PRR16: variants seen among roughly 807,000 people sequenced by gnomAD.
PRR16 encodes the protein proline rich 16.
In PRR16, 6 loss-of-function variants were observed where a neutral mutation model predicts 18.2. The observed-to-expected ratio is 0.33, with a 90% CI of 0.18 to 0.65. The LOEUF is 0.65. Among genes scored for constraint, PRR16 ranks in the 30% least tolerant of loss-of-function variants. The probability of loss-of-function intolerance (pLI) is 0.74; values close to 1 mark genes in which losing one functional copy is unlikely to be tolerated. For synonymous variants in PRR16, 151 were observed against 147.8 expected (o/e 1.02, Z -0.16); for missense variants, 412 against 376.6 (o/e 1.09, Z -0.78).
intron 1 of PRR16, among the ~76,000 whole-genome samples, chr5:120,558,027 G>T (rs114699897): frequency 1.3e-5 from 2 of 151,726 alleles, no homozygotes; most frequent in Non-Finnish European, 2.9e-5. Flanking sequence ...TACATAGTAG[G>T]TGTGTATATT....
chr5:120,694,422 C>A, the PRR16 span, among the ~76,000 whole-genome samples: 4 of 152,158 alleles, frequency 2.6e-5, no homozygotes, highest in African/African-American at 7.2e-5. Context: ...CGGTGGCTCA[C>A]GCCTGTAATC....
chr5:120,565,430 A>G (rs1752707533), intron 1 of PRR16, among the ~76,000 whole-genome samples: 2 of 152,238 alleles, frequency 1.3e-5, no homozygotes, highest in African/African-American at 2.4e-5. Context: ...GTCTGTAGAA[A>G]CTAGCCCATT....
Position 120,559,122 on chromosome 5 carries a change from G to A in PRR16, c.159+94477G>A, listed in dbSNP as rs1752501448. ...CCTCACTTTATTGATTGTTTCTTTT[G>A]CAGTGCAGTGATTGTTTCTTTTTAA... On this transcript the variant is annotated intron_variant, in intron 1 of 1. Transcript: ENST00000407149. 2.0e-5 allele frequency among the ~76,000 whole-genome samples: 3 copies of A among 151,612 alleles called. No individual in the cohort carries two copies. In the South Asian group the frequency reaches 6.3e-4, roughly 32 times the overall value.
chr5:120,651,084 A>T (rs373578575), intron 1 of PRR16, among the ~76,000 whole-genome samples: 1 of 152,134 alleles, frequency 6.6e-6, no homozygotes, highest in South Asian at 2.1e-4. Context: ...GCCAGTGATG[A>T]TGAGCATTTT....
At chr5:120,789,302 G>A in the PRR16 span, among the ~76,000 whole-genome samples, 1 of 152,054 alleles carries the variant, frequency 6.6e-6, no homozygotes, top group Non-Finnish European at 1.5e-5. Context: ...TGCTAAACAT[G>A]TCTGATGTTG....
intron 1 of PRR16, among the ~76,000 whole-genome samples, chr5:120,475,496 G>C (rs1749412680): frequency 6.6e-6 from 1 of 151,448 alleles, no homozygotes; most frequent in South Asian, 2.1e-4. Flanking sequence ...TTGACACTTT[G>C]AGAGGCAGAG....
chr5:120,476,251 A>G (rs111920529), intron 1 of PRR16, among the ~76,000 whole-genome samples: 1 of 152,148 alleles, frequency 6.6e-6, no homozygotes, highest in African/African-American at 2.4e-5. Flanking sequence ...TTCCAGCCTG[A>G]CATCCAGTGG....
At chr5:120,629,115 T>C (rs915548032) in intron 1 of PRR16, among the ~76,000 whole-genome samples, 2 of 152,104 alleles carry the variant, frequency 1.3e-5, no homozygotes, top group South Asian at 4.1e-4. Context: ...CTCCCACTTA[T>C]GAGTAAGAAC....
the PRR16 span, among the ~76,000 whole-genome samples, chr5:120,791,747 A>C: frequency 6.6e-6 from 1 of 152,092 alleles, no homozygotes; most frequent in Non-Finnish European, 1.5e-5. Flanking sequence ...TGTACAATTC[A>C]AACAAATTGC....
chr5:120,777,396 G>C, the PRR16 span, among the ~76,000 whole-genome samples: 2 of 151,682 alleles, frequency 1.3e-5, no homozygotes, highest in East Asian at 3.9e-4. Flanking sequence ...ATTTTATTTT[G>C]TACTTAAAAC....
intron 1 of PRR16, among the ~76,000 whole-genome samples, chr5:120,600,824 T>A (rs1416768975): frequency 6.6e-6 from 1 of 151,930 alleles, no homozygotes; most frequent in Non-Finnish European, 1.5e-5. Context: ...GAACATGAAG[T>A]ATTTGGTTTT....
At chr5:120,507,516 A>G (rs1750685373) in intron 1 of PRR16, among the ~76,000 whole-genome samples, 1 of 152,084 alleles carries the variant, frequency 6.6e-6, no homozygotes, top group African/African-American at 2.4e-5. Context: ...ATCTTACAGA[A>G]AAGTGTGATT....
chr5:120,719,524 G>A, the PRR16 span, among the ~76,000 whole-genome samples: 13 of 152,126 alleles, frequency 8.5e-5, 1 homozygote, highest in South Asian at 2.5e-3. Context: ...AGAGATATGA[G>A]ATTCTGGACT....
At chr5:120,627,772 T>G (rs1179771155) in intron 1 of PRR16, among the ~76,000 whole-genome samples, 2 of 152,094 alleles carry the variant, frequency 1.3e-5, no homozygotes. Flanking sequence ...CCCAAAATAT[T>G]CTGAATGGCC....
At chr5:120,651,556 GT>G (rs1487225744) in intron 1 of PRR16, among the ~76,000 whole-genome samples, 2 of 152,150 alleles carry the variant, frequency 1.3e-5, no homozygotes, top group Non-Finnish European at 2.9e-5. Flanking sequence ...TGGCTAGCCA[GT>G]TTTCCCAGCA....
At chr5:120,518,161 A>G (rs1241146325) in intron 1 of PRR16, among the ~76,000 whole-genome samples, 1 of 152,170 alleles carries the variant, frequency 6.6e-6, no homozygotes, top group Non-Finnish European at 1.5e-5. Context: ...AGTAATACAT[A>G]TCGCTCATAG....
At chr5:120,755,016 C>G in the PRR16 span, among the ~76,000 whole-genome samples, 1,493 of 118,266 alleles carry the variant, frequency 0.013, 9 homozygotes, top group Non-Finnish European at 0.019. Flanking sequence ...TATTATGTGA[C>G]TAAGTTTTTT....
intron 1 of PRR16, among the ~76,000 whole-genome samples, chr5:120,585,733 C>T (rs1753419879): frequency 6.6e-6 from 1 of 151,786 alleles, no homozygotes; most frequent in Non-Finnish European, 1.5e-5. Flanking sequence ...AGAACTTCAG[C>T]TGTGTTATTC....
intron 1 of PRR16, among the ~76,000 whole-genome samples, chr5:120,493,489 A>C (rs898688495): frequency 7.2e-5 from 11 of 152,068 alleles, no homozygotes; most frequent in Non-Finnish European, 1.3e-4. Flanking sequence ...ATCATTGTAG[A>C]TTCTCATGCA....
Sources: allele counts gnomAD v4.1 joint callset (sites outside exome capture counted in the v4.1 genomes callset), GRCh38; gene constraint gnomAD v4.1.1; transcripts MANE v1.5; gene names NCBI Gene and HGNC (gene_info 2026-07-23, HGNC 2026-07-21).